ADAM9: variants seen among roughly 807,000 people sequenced by gnomAD.
The protein encoded by ADAM9 is ADAM metallopeptidase domain 9, also known as disintegrin and metalloproteinase domain-containing protein 9.
A neutral mutation model predicts 108.1 loss-of-function variants in ADAM9; 54 were observed. The ratio of observed to expected loss-of-function variants is 0.50; its 90% CI spans 0.40 to 0.63. The LOEUF (loss-of-function observed/expected upper bound fraction) is 0.63, where lower values mean the gene tolerates loss of function less well. Among genes scored for constraint, ADAM9 ranks in the 20% least tolerant of loss-of-function variants. The pLI is 0.00. For synonymous variants in ADAM9, 316 were observed against 336.0 expected (o/e 0.94, Z 0.65); for missense variants, 830 against 997.7 (o/e 0.83, Z 2.26).
At chr8:39,071,029 CTAT>C (rs1838668601) in intron 14 of ADAM9, among the ~76,000 whole-genome samples, 1 of 152,092 alleles carries the variant, frequency 6.6e-6, no homozygotes, top group Admixed American at 6.5e-5. Flanking sequence ...TACTTATAAT[CTAT>C]TATTTAATAG....
chr8:39,049,775 A>G (rs1301016234), intron 12 of ADAM9, among the ~76,000 whole-genome samples: 1 of 152,150 alleles, frequency 6.6e-6, no homozygotes, highest in Non-Finnish European at 1.5e-5. Flanking sequence ...CTAAATTTAC[A>G]CTAGAAGTGA....
At chr8:39,069,005 T>A (rs1838588278) in intron 14 of ADAM9, among the ~76,000 whole-genome samples, 3 of 152,180 alleles carry the variant, frequency 2.0e-5, no homozygotes. Context: ...AAATTTTTCC[T>A]CTTTATTCCT....
intron 14 of ADAM9, among the ~76,000 whole-genome samples, chr8:39,060,059 A>G (rs895169243): frequency 6.6e-6 from 1 of 152,156 alleles, no homozygotes; most frequent in African/African-American, 2.4e-5. Context: ...GAGTCAGATG[A>G]CATCCAGTTT....
intron 14 of ADAM9, among the ~76,000 whole-genome samples, chr8:39,058,006 C>T (rs1325390046): frequency 1.3e-5 from 2 of 152,120 alleles, no homozygotes; most frequent in African/African-American, 4.8e-5. Flanking sequence ...GGCATAATTC[C>T]ACCTAGCATG....
intron 14 of ADAM9, among the ~76,000 whole-genome samples, chr8:39,065,514 G>T (rs1204682718): frequency 6.6e-6 from 1 of 151,766 alleles, no homozygotes; most frequent in Non-Finnish European, 1.5e-5. Flanking sequence ...AAAAAAATTA[G>T]CCTGGTGTGG....
chr8:39,066,583 A>G (rs929505551), intron 14 of ADAM9, among the ~76,000 whole-genome samples: 2 of 152,162 alleles, frequency 1.3e-5, no homozygotes, highest in East Asian at 1.9e-4. Context: ...TCCTTTGCCC[A>G]CTTTTTGATG....
intron 11 of ADAM9, among the ~76,000 whole-genome samples, chr8:39,030,911 A>G (rs1837076724): frequency 6.6e-6 from 1 of 152,164 alleles, no homozygotes; most frequent in Non-Finnish European, 1.5e-5. Context: ...TCTTTGGCCC[A>G]TTGTTTAATC....
intron 11 of ADAM9, among the ~76,000 whole-genome samples, chr8:39,040,312 G>A (rs2129436136): frequency 6.6e-6 from 1 of 152,286 alleles, no homozygotes; most frequent in African/African-American, 2.4e-5. Flanking sequence ...GCCTCCCAAA[G>A]TGCTGGGATT....
intron 9 of ADAM9, among the ~76,000 whole-genome samples, chr8:39,025,108 G>T (rs10086693): frequency 0.38 from 56,795 of 151,234 alleles, 11,174 homozygotes; most frequent in African/African-American, 0.51. Context: ...TTTTTATTTT[G>T]GAGACAGAGT....
intron 15 of ADAM9, among the ~76,000 whole-genome samples, chr8:39,073,361 A>G (rs999325682): frequency 3.3e-5 from 5 of 152,140 alleles, no homozygotes; most frequent in Non-Finnish European, 5.9e-5. Flanking sequence ...TGCATACACA[A>G]TTAGGATTGT....
intron 20 of ADAM9, among the ~76,000 whole-genome samples, chr8:39,092,680 G>T (rs1398697344): frequency 6.7e-6 from 1 of 150,372 alleles, no homozygotes; most frequent in East Asian, 1.9e-4. Context: ...ATTTTTACAT[G>T]TACAGTGCAG....
chr8:39,015,419 C>T (rs189484879), intron 4 of ADAM9: 5 of 152,128 alleles, frequency 3.3e-5, no homozygotes, highest in Admixed American at 6.5e-5. Context: ...TTATATAATA[C>T]TTAAGTATCA....
Position 39,101,880 on chromosome 8 carries a change from A to T in ADAM9, c.2316A>T (p.Arg772Ser). 1.2e-5 allele frequency: 19 copies of T among 1,613,310 alleles called. No individual in the cohort carries two copies. The highest frequency in any genetic ancestry group is 1.6e-5 in the Non-Finnish European group (19 of 1,179,368). ...PPREVPIYAN[R>S]FAVPTYAAKQ... ...CTTTTTAGCCTATATATGCAAACAG[A>T]TTTGCAGTACCAACCTATGCAGCCA... Residue 772 changes from arginine to serine, a missense_variant, in exon 21 of 22, where the codon AGA (arginine) becomes AGT (serine). This residue lies in a region of ADAM9 where 238 missense variants were observed against 235.7 expected (regional missense o/e 1.01). Coordinates refer to ENST00000487273, the MANE Select transcript of ADAM9 (RefSeq NM_003816.3).
chr8:39,091,293 C>T lies in ADAM9; in HGVS notation c.2245C>T (p.Gln749Ter), dbSNP rs1839345798. 1.2e-6 allele frequency: 2 copies of T among 1,614,172 alleles called. No homozygotes were observed. The highest frequency in any genetic ancestry group is 8.5e-7 in the Non-Finnish European group (1 of 1,180,014). ...CAAAAATCAAGCAAACCCTTCTAGA[C>T]AGCCGGGGAGTGTTCCTCGACATGT... ...DGKNQANPSRQPGSVPRHVSP... is the reference protein window; with the variant it reads ...DGKNQANPSR Residue 749 changes from glutamine (Q) to a stop codon, truncating the protein, a stop_gained, in exon 20 of 22, where the codon CAG becomes TAG. Coordinates refer to ENST00000487273, the MANE Select transcript of ADAM9 (RefSeq NM_003816.3). LOFTEE classifies it high-confidence loss of function.
intron 9 of ADAM9, among the ~76,000 whole-genome samples, chr8:39,025,360 G>T (rs1588348600): frequency 1.3e-5 from 2 of 152,094 alleles, no homozygotes; most frequent in East Asian, 3.9e-4. Context: ...GCCTCCCAAA[G>T]TACTGGGATT....
chr8:39,067,162 G>A (rs1838507738), intron 14 of ADAM9, among the ~76,000 whole-genome samples: 1 of 152,188 alleles, frequency 6.6e-6, no homozygotes, highest in Non-Finnish European at 1.5e-5. Context: ...TGGCCTTGTA[G>A]TATAGTTTGA....
intron 16 of ADAM9, among the ~76,000 whole-genome samples, chr8:39,078,790 GTAAAA>G (rs772853248): frequency 7.2e-5 from 11 of 151,898 alleles, no homozygotes; most frequent in African/African-American, 1.9e-4. Context: ...TAAAAATAAA[GTAAAA>G]TAAAATAAAA....
chr8:39,018,727 T>G, intron 6 of ADAM9, 126 bp from the exon 7 acceptor site: 2 of 844,064 alleles, frequency 2.4e-6, no homozygotes, highest in Non-Finnish European at 3.9e-6. Context: ...TTTCTTGATA[T>G]AGGATATGTT....
At chr8:39,099,016 A>C (rs1839599335) in intron 20 of ADAM9, among the ~76,000 whole-genome samples, 1 of 152,162 alleles carries the variant, frequency 6.6e-6, no homozygotes, top group African/African-American at 2.4e-5. Flanking sequence ...AACTCTTATG[A>C]GGATGGGTGT....
Sources: allele counts gnomAD v4.1 joint callset (sites outside exome capture counted in the v4.1 genomes callset), GRCh38; gene constraint gnomAD v4.1.1; regional missense constraint gnomAD v4.1.1; transcripts MANE v1.5; gene names NCBI Gene and HGNC (gene_info 2026-07-23, HGNC 2026-07-21).